The following TRAM2 variants were observed in gnomAD, a reference collection of about 807,000 sequenced individuals.
The protein encoded by TRAM2 is translocation associated membrane protein 2.
Under a neutral mutation model 51.0 loss-of-function variants are expected in TRAM2, and 12 were observed. The observed-to-expected ratio is 0.24, with a 90% CI of 0.15 to 0.38. The LOEUF is 0.38. Ranked by LOEUF, TRAM2 falls within the 10% of genes least tolerant of loss-of-function variation. TRAM2 has a pLI of 1.00. For synonymous variants in TRAM2, 175 were observed against 179.4 expected, an observed-to-expected ratio of 0.98 and a Z score of 0.20; for missense variants, 361 against 462.0, an observed-to-expected ratio of 0.78 and a Z score of 2.00.
intron 9 of TRAM2, among the ~76,000 whole-genome samples, chr6:52,505,028 C>T (rs901348116): frequency 2.0e-5 from 3 of 152,332 alleles, no homozygotes; most frequent in South Asian, 2.1e-4. Flanking sequence ...ACTCCTATGA[C>T]GAGGGAGGGG....
chr6:52,573,148 C>A (rs1767707343), intron 1 of TRAM2, among the ~76,000 whole-genome samples: 1 of 152,146 alleles, frequency 6.6e-6, no homozygotes, highest in South Asian at 2.1e-4. Flanking sequence ...CTCTTCGGTG[C>A]ACCCCCTTTT....
intron 4 of TRAM2, among the ~76,000 whole-genome samples, chr6:52,514,606 G>C (rs1001775379): frequency 6.6e-6 from 1 of 152,240 alleles, no homozygotes; most frequent in African/African-American, 2.4e-5. Context: ...ACCCTGGAAG[G>C]CGTGTTAAGC....
chr6:52,545,160 G>T (rs997582852), intron 1 of TRAM2, among the ~76,000 whole-genome samples: 1 of 152,188 alleles, frequency 6.6e-6, no homozygotes, highest in Non-Finnish European at 1.5e-5. Context: ...CAGGGCAAAG[G>T]TGGCCCAGGA....
Position 52,516,713 on chromosome 6 carries a change from T to C in TRAM2, c.209A>G (p.Tyr70Cys), listed in dbSNP as rs780299078. ...TADSETVHYHYGPKDLVTILF... is the reference protein window; with the variant it reads ...TADSETVHYHCGPKDLVTILF... ...GATTGTGACCAGGTCCTTAGGGCCA[T>C]AGTGGTAGTGCACGGTCTCACTGTC... The change falls in exon 3 of 11, where the codon TAT (tyrosine) becomes TGT (cysteine). Residue 70 changes from tyrosine to cysteine, a missense_variant. Coordinates refer to ENST00000182527, the MANE Select transcript of TRAM2 (RefSeq NM_012288.4). 5.0e-6 allele frequency: 8 copies of C among 1,614,042 alleles called. No individual in the cohort carries two copies. The Admixed American group carries it at 5.0e-5, about 10-fold the overall frequency.
chr6:52,510,940 G>T (rs554416930), intron 4 of TRAM2, among the ~76,000 whole-genome samples: 1 of 152,316 alleles, frequency 6.6e-6, no homozygotes, highest in East Asian at 1.9e-4. Context: ...CACACCAGTT[G>T]GTTGAATGAA....
intron 1 of TRAM2, among the ~76,000 whole-genome samples, chr6:52,536,321 C>T (rs1013364855): frequency 1.3e-5 from 2 of 152,206 alleles, no homozygotes; most frequent in African/African-American, 4.8e-5. Flanking sequence ...GCTTCAGAAA[C>T]AGAGAATTCC....
chr6:52,528,650 C>A (rs959885063), intron 2 of TRAM2, among the ~76,000 whole-genome samples: 2 of 152,138 alleles, frequency 1.3e-5, no homozygotes, highest in Non-Finnish European at 2.9e-5. Flanking sequence ...GGTTCTCAGG[C>A]CTTTCATCTC....
At chr6:52,576,671 C>A in intron 1 of TRAM2, 125 bp downstream of exon 1, 3 of 1,298,020 alleles carry the variant, frequency 2.3e-6, no homozygotes, top group Non-Finnish European at 3.1e-6. Flanking sequence ...AGCCGGGGTG[C>A]AGATAACGTA....
chr6:52,503,330 G>A, intron 10 of TRAM2, 60 bp from the exon 11 acceptor site: 1 of 1,508,478 alleles, frequency 6.6e-7, no homozygotes, highest in South Asian at 1.1e-5. Flanking sequence ...GGCAGAAGAG[G>A]GGAGGGTGGG....
intron 4 of TRAM2, among the ~76,000 whole-genome samples, chr6:52,513,596 G>A (rs1382294803): frequency 2.0e-5 from 3 of 152,158 alleles, no homozygotes; most frequent in African/African-American, 7.2e-5. Context: ...GAAGGAGTTG[G>A]CCATGGGATG....
chr6:52,534,921 C>T (rs1362032753), intron 2 of TRAM2, among the ~76,000 whole-genome samples: 4 of 152,190 alleles, frequency 2.6e-5, no homozygotes, highest in Non-Finnish European at 1.5e-5. Flanking sequence ...GCTGGCTGGG[C>T]TCCCTGTAAG....
intron 1 of TRAM2, among the ~76,000 whole-genome samples, chr6:52,571,614 T>C (rs1362844080): frequency 2.0e-5 from 3 of 152,162 alleles, no homozygotes; most frequent in Non-Finnish European, 4.4e-5. Context: ...ATAAGATAGA[T>C]GTCAAAGAGA....
chr6:52,559,127 G>C (rs1253551358), intron 1 of TRAM2, among the ~76,000 whole-genome samples: 2 of 152,150 alleles, frequency 1.3e-5, no homozygotes, highest in African/African-American at 4.8e-5. Flanking sequence ...AAGTTTATAT[G>C]CTCTGTGAAT....
chr6:52,549,331 G>T (rs1004841735), intron 1 of TRAM2, among the ~76,000 whole-genome samples: 9 of 139,940 alleles, frequency 6.4e-5, no homozygotes, highest in African/African-American at 2.3e-4. Context: ...GAGTTCATCA[G>T]TGGGGATACC....
At chr6:52,542,665 T>G (rs1261372847) in intron 1 of TRAM2, among the ~76,000 whole-genome samples, 1 of 152,216 alleles carries the variant, frequency 6.6e-6, no homozygotes, top group African/African-American at 2.4e-5. Context: ...ATCACGATGT[T>G]GAATAGACTC....
chr6:52,569,855 AATTTC>A (rs1767649285), intron 1 of TRAM2, among the ~76,000 whole-genome samples: 1 of 152,134 alleles, frequency 6.6e-6, no homozygotes, highest in African/African-American at 2.4e-5. Context: ...CAAAGCACTC[AATTTC>A]AAGACTTCTA....
intron 1 of TRAM2, among the ~76,000 whole-genome samples, chr6:52,565,740 A>G (rs1767580037): frequency 6.6e-6 from 1 of 152,240 alleles, no homozygotes; most frequent in South Asian, 2.1e-4. Context: ...GGTGCAAACT[A>G]TAGGTAGATC....
At chr6:52,505,389 T>A (rs1275439117) in intron 9 of TRAM2, among the ~76,000 whole-genome samples, 1 of 152,178 alleles carries the variant, frequency 6.6e-6, no homozygotes, top group Non-Finnish European at 1.5e-5. Flanking sequence ...TGGACTACAG[T>A]CTGAGCAAAC....
intron 1 of TRAM2, among the ~76,000 whole-genome samples, chr6:52,556,927 CAA>C (rs11291654): frequency 6.1e-4 from 75 of 122,942 alleles, no homozygotes; most frequent in Middle Eastern, 4.6e-3. Flanking sequence ...GACTCCATCT[CAA>C]AAAAAAAAAA....
Sources: gnomAD v4.1 joint callset for allele counts (sites outside exome capture counted in the v4.1 genomes callset) on GRCh38, gnomAD v4.1.1 for gene constraint, MANE v1.5 for transcripts, NCBI Gene and HGNC (gene_info 2026-07-23, HGNC 2026-07-21) for gene names.